The following PAX2 variants were observed in gnomAD, a reference collection of about 807,000 sequenced individuals.
PAX2 encodes paired box 2.
A neutral mutation model predicts 41.7 loss-of-function variants in PAX2; 9 were observed. The ratio of observed to expected loss-of-function variants is 0.22; its 90% confidence interval spans 0.13 to 0.38. The LOEUF is 0.38. Among genes scored for constraint, PAX2 ranks in the 10% least tolerant of loss-of-function variants. The probability of loss-of-function intolerance (pLI) is 1.00; values close to 1 mark genes in which losing one functional copy is unlikely to be tolerated. For synonymous variants in PAX2, 221 were observed against 212.7 expected (o/e 1.04, Z -0.34); for missense variants, 418 against 531.6 (o/e 0.79, Z 2.10).
intron 1 of PAX2, chr10:100,749,212 G>GGT (rs1564705641): frequency 5.1e-6 from 5 of 989,542 alleles, no homozygotes; most frequent in African/African-American, 1.7e-5. Flanking sequence ...AGCAAAGGGG[G>GGT]GTGTGTGTGT....
rs200741999 is a variant in PAX2 at position 100,781,275 on chromosome 10, A to G, written c.526A>G (p.Ser176Gly). 6.2e-7 allele frequency: 1 copy of G among 1,613,694 alleles called. No homozygotes were observed. The highest frequency in any genetic ancestry group is 1.1e-5 in the South Asian group (1 of 91,070). Residue 176 changes from serine to glycine, a missense_variant, in exon 5 of 10, where the codon AGC (serine) becomes GGC (glycine). By Grantham distance (56) the Ser-to-Gly change is moderately conservative. Coordinates refer to ENST00000355243, the MANE Select transcript of PAX2 (RefSeq NM_000278.5). Reference sequence around the variant, plus strand: ...CAGCACGGCCTCCCCTCCTGTTTCCAGCGCCTCCAATGACCCAGTGGGATC... The same window carrying G: ...CAGCACGGCCTCCCCTCCTGTTTCCGGCGCCTCCAATGACCCAGTGGGATC... ...VPSTASPPVSSASNDPVGSYS... is the reference protein window; with the variant it reads ...VPSTASPPVSGASNDPVGSYS...
chr10:100,820,339 C>G (rs544084039), intron 7 of PAX2, among the ~76,000 whole-genome samples: 1 of 152,190 alleles, frequency 6.6e-6, no homozygotes, highest in Non-Finnish European at 1.5e-5. Flanking sequence ...CATGGGAAAA[C>G]TGTGATGCAT....
Position 100,791,517 on chromosome 10 carries a change from T to C in PAX2, c.616+10152T>C, listed in dbSNP as rs1847118701. On this transcript the variant is annotated intron_variant, in intron 5 of 9. Coordinates refer to ENST00000355243, the MANE Select transcript of PAX2 (RefSeq NM_000278.5). The surrounding 1 kb of genome is among the most constrained non-coding windows in gnomAD (Gnocchi z 4.5). ...TAAAGTAAATGCAGTTTATGAAGTT[T>C]ATGCTTTCCTCCTAGGGAGAGCTGG... is the stretch of plus-strand genomic sequence containing the variant. Among the ~76,000 whole-genome samples, 2 of 152,162 alleles carry C rather than the reference T, an allele frequency of 1.3e-5. No individual in the cohort carries two copies. Among genetic ancestry groups the C allele is most frequent in the African/African-American group, 4.8e-5 (2 of 41,412 alleles).
intron 5 of PAX2, among the ~76,000 whole-genome samples, chr10:100,804,497 G>T (rs1847688898): frequency 6.6e-6 from 1 of 152,184 alleles, no homozygotes; most frequent in Admixed American, 6.5e-5. Flanking sequence ...CAAAAGGTAG[G>T]AGGGCTCCAG....
chr10:100,757,542 G>A (rs1254372684), intron 3 of PAX2, among the ~76,000 whole-genome samples: 1 of 152,200 alleles, frequency 6.6e-6, no homozygotes, highest in Non-Finnish European at 1.5e-5. Flanking sequence ...CCTGTTGGCA[G>A]GATTAGTTAG....
At chr10:100,783,939 C>A (rs569840234) in intron 5 of PAX2, among the ~76,000 whole-genome samples, 6 of 152,242 alleles carry the variant, frequency 3.9e-5, no homozygotes, top group African/African-American at 1.4e-4. Context: ...TCTTGACCAA[C>A]CCCAGGCCAA....
rs1206434445 is a variant in PAX2 at position 100,769,624 on chromosome 10, A to AAAAATAAAT, written c.411-9873_411-9872insAAATAAATA. On this transcript the variant is annotated intron_variant, in intron 3 of 9. Transcript: ENST00000355243. ...CAACAGTGTGAGACTCCATCTCAAA[A>AAAAATAAAT]AGAATAAAATAAAATAAAATAAAAT... Among the ~76,000 whole-genome samples, 245 of 81,182 alleles carry AAAAATAAAT rather than the reference A, an allele frequency of 3.0e-3. 1 individual carries two copies. Among genetic ancestry groups the AAAAATAAAT allele is most frequent in the African/African-American group, 8.5e-3 (213 of 24,974 alleles). The allele number at this position is 81,182 out of a possible 152,430, so 53.3% of individuals were successfully genotyped here.
intron 5 of PAX2, among the ~76,000 whole-genome samples, chr10:100,789,719 A>G (rs1220142447): frequency 6.6e-6 from 1 of 152,158 alleles, no homozygotes; most frequent in Admixed American, 6.5e-5. Flanking sequence ...AAACTCATTT[A>G]TGAACACACA....
At chr10:100,771,929 C>T (rs1428547541) in intron 3 of PAX2, among the ~76,000 whole-genome samples, 1 of 152,012 alleles carries the variant, frequency 6.6e-6, no homozygotes, top group Admixed American at 6.6e-5. Flanking sequence ...GCCTCAGCCT[C>T]CCCAGTAGCA....
At chr10:100,794,998 A>C (rs117482695) in intron 5 of PAX2, among the ~76,000 whole-genome samples, 4 of 152,324 alleles carry the variant, frequency 2.6e-5, no homozygotes, top group Non-Finnish European at 4.4e-5. Flanking sequence ...TTTTTGCAAA[A>C]GAGTTATTTT....
intron 3 of PAX2, among the ~76,000 whole-genome samples, chr10:100,761,467 C>T (rs1222776283): frequency 4.6e-5 from 7 of 152,196 alleles, no homozygotes; most frequent in African/African-American, 1.7e-4. Context: ...AGGAGATGAC[C>T]TCCCAGGGTG....
Position 100,791,841 on chromosome 10 carries a change from G to A in PAX2, c.616+10476G>A, listed in dbSNP as rs1458144388. Among the ~76,000 whole-genome samples the A allele has an allele frequency of 6.6e-6, 1 of 152,208 alleles. No homozygotes were observed. The highest frequency in any genetic ancestry group is 6.5e-5 in the Admixed American group (1 of 15,284). ...CAGCATGAGCCCTTGGGCAGTGTGGGCACCTGGGTGGACTGGTGGTGTGGG... is the reference window on the plus strand; with the variant it reads ...CAGCATGAGCCCTTGGGCAGTGTGGACACCTGGGTGGACTGGTGGTGTGGG... On this transcript the variant is annotated intron_variant, in intron 5 of 9. Transcript: ENST00000355243. The surrounding 1 kb of genome is among the most constrained non-coding windows in gnomAD (Gnocchi z 4.5).
chr10:100,742,844 T>C (rs386352437), upstream of PAX2, among the ~76,000 whole-genome samples: 5 of 10,846 alleles, frequency 4.6e-4, no homozygotes, highest in African/African-American at 4.4e-3. Flanking sequence ...TCTTTCTTCC[T>C]TTTTTTTTTT....
intron 5 of PAX2, chr10:100,786,963 G>A: frequency 7.2e-7 from 1 of 1,389,666 alleles, no homozygotes. Flanking sequence ...CACTGATCCT[G>A]CCCACATTAG....
chr10:100,781,193 T>C, intron 4 of PAX2, 53 bp from the exon 5 acceptor site: 1 of 1,607,622 alleles, frequency 6.2e-7, no homozygotes, highest in Non-Finnish European at 8.5e-7. Flanking sequence ...TGGCCTACGA[T>C]CACAACTGCT....
intron 4 of PAX2, among the ~76,000 whole-genome samples, chr10:100,780,487 C>T (rs1389132925): frequency 6.6e-6 from 1 of 152,052 alleles, no homozygotes; most frequent in Non-Finnish European, 1.5e-5. Context: ...TCCAGCCCTC[C>T]AGGAGTTGGC....
rs937851610 is a variant in PAX2 at position 100,748,856 on chromosome 10, G to A, written c.44-890G>A. 2.1e-5 allele frequency: 21 copies of A among 985,468 alleles called. 1 individual carries two copies. The Admixed American group carries it at 4.9e-4, about 23-fold the overall frequency. 61.0% of individuals were successfully genotyped at this position (985,468 alleles called of 1,614,324 possible). On this transcript the variant is annotated intron_variant, in intron 1 of 9. Transcript: ENST00000355243. This position sits in a 1 kb window ranked among gnomAD's most constrained non-coding sequence, Gnocchi z 5.0. ...TTGGGTCGGCTACACAGGGCGCCCC[G>A]AGAGTTATTAACTCGCCAGCGAGGC...
At chr10:100,746,388 C>G in intron 1 of PAX2, 85 bp downstream of exon 1, 3 of 929,236 alleles carry the variant, frequency 3.2e-6, no homozygotes, top group Non-Finnish European at 5.4e-6. Flanking sequence ...CGGCCCCTCG[C>G]GCTCAGGTCC....
chr10:100,792,473 T>C (rs1035569994), intron 5 of PAX2, among the ~76,000 whole-genome samples: 1 of 152,228 alleles, frequency 6.6e-6, no homozygotes, highest in Non-Finnish European at 1.5e-5. Context: ...GTGAGAAGTC[T>C]ATCTCCCTTC....
Sources: allele counts gnomAD v4.1 joint callset (sites outside exome capture counted in the v4.1 genomes callset), GRCh38; gene constraint gnomAD v4.1.1; non-coding constraint Gnocchi (gnomAD v3.1); transcripts MANE v1.5; gene names NCBI Gene and HGNC (gene_info 2026-07-23, HGNC 2026-07-21).